The following PHACTR3 variants were observed in gnomAD, a reference collection of about 807,000 sequenced individuals.
PHACTR3 encodes the protein protein phosphatase 1, regulatory subunit 123.
A neutral mutation model predicts 66.8 loss-of-function variants in PHACTR3; 16 were observed. That is an observed-to-expected ratio of 0.24 (90% confidence interval 0.16 to 0.36). PHACTR3 has a LOEUF of 0.36. Ranked by LOEUF, PHACTR3 falls within the 10% of genes least tolerant of loss-of-function variation. The probability of loss-of-function intolerance (pLI) is 1.00; values close to 1 mark genes in which losing one functional copy is unlikely to be tolerated. For missense variants in PHACTR3, 647 were observed against 719.9 expected, an observed-to-expected ratio of 0.90 and a Z score of 1.16; for synonymous variants, 323 against 292.1, an observed-to-expected ratio of 1.11 and a Z score of -1.08.
At chr20:59,677,721 A>G in intron 1 of PHACTR3, among the ~76,000 whole-genome samples, 1 of 152,202 alleles carries the variant, frequency 6.6e-6, no homozygotes. Flanking sequence ...TGGGAAATTA[A>G]CAGTCCTTTT....
At chr20:59,583,498 T>C (rs1031990979) in intron 1 of PHACTR3, among the ~76,000 whole-genome samples, 1 of 152,216 alleles carries the variant, frequency 6.6e-6, no homozygotes, top group African/African-American at 2.4e-5. Flanking sequence ...GAAATTTGGA[T>C]GCTCCTTCTC....
intron 1 of PHACTR3, among the ~76,000 whole-genome samples, chr20:59,644,245 G>A (rs1568955622): frequency 6.6e-6 from 1 of 152,210 alleles, no homozygotes. Context: ...TGGTGATGGA[G>A]AAGGCAGCTG....
At chr20:59,652,140 C>G (rs148861236) in intron 1 of PHACTR3, among the ~76,000 whole-genome samples, 1,688 of 152,294 alleles carry the variant, frequency 0.011, 42 homozygotes, top group African/African-American at 0.037. Flanking sequence ...AAAAGGCTGA[C>G]TTCCTCCTTT....
In PHACTR3 at chr20:59,745,221, A is replaced by C. The variant is rs117020802; in HGVS notation, c.280+1953A>C. On this transcript the variant is annotated intron_variant, in intron 2 of 12. Coordinates refer to ENST00000371015, the MANE Select transcript of PHACTR3 (RefSeq NM_080672.5). ...CCTCGAAAAGGCAGCGAGCTGGGGA[A>C]GGCACGTCTGTGCAGCAGTGAAAGG... is the stretch of plus-strand genomic sequence containing the variant. Among the ~76,000 whole-genome samples, 318 of 152,326 alleles carry C rather than the reference A, an allele frequency of 2.1e-3. 14 individuals carry two copies. The East Asian group carries it at 0.054, about 26-fold the overall frequency.
intron 1 of PHACTR3, among the ~76,000 whole-genome samples, chr20:59,666,889 G>A (rs966334368): frequency 6.6e-6 from 1 of 152,168 alleles, no homozygotes; most frequent in Non-Finnish European, 1.5e-5. Context: ...GTCCTTACAC[G>A]GTGTAATCTT....
chr20:59,670,171 A>G (rs531691620), intron 1 of PHACTR3, among the ~76,000 whole-genome samples: 3 of 152,338 alleles, frequency 2.0e-5, no homozygotes, highest in Admixed American at 2.0e-4. Flanking sequence ...AACAACAAAT[A>G]GCTATTAATA....
chr20:59,644,649 A>G (rs1168124523), intron 1 of PHACTR3, among the ~76,000 whole-genome samples: 1 of 152,118 alleles, frequency 6.6e-6, no homozygotes, highest in Non-Finnish European at 1.5e-5. Flanking sequence ...CTGTGGCCAG[A>G]GCACTTCCAG....
intron 2 of PHACTR3, among the ~76,000 whole-genome samples, chr20:59,744,293 G>T (rs868814112): frequency 6.6e-6 from 1 of 152,238 alleles, no homozygotes; most frequent in South Asian, 2.1e-4. Flanking sequence ...GCCGGGTGTG[G>T]TGGCTCGTCA....
Position 59,841,442 on chromosome 20 carries a change from G to C in PHACTR3, c.1494G>C (p.Leu498=), listed in dbSNP as rs745718692. 1.2e-6 allele frequency: 2 copies of C among 1,613,606 alleles called. No homozygotes were observed. The highest frequency in any genetic ancestry group is 1.7e-6 in the Non-Finnish European group (2 of 1,179,696). Residue 498 remains leucine (L), a synonymous_variant, in exon 11 of 13, where the codon CTG becomes CTC. Transcript: ENST00000371015. ...TVDELRDRKI[L]IRFSDYVEVA... ...ATGAATTAAGAGACAGAAAAATTCT[G>C]ATACGATTCAGTGATTACGTGGAAG...
intron 12 of PHACTR3, among the ~76,000 whole-genome samples, chr20:59,846,108 TCTC>T (rs763177760): frequency 6.6e-6 from 1 of 152,160 alleles, no homozygotes; most frequent in Non-Finnish European, 1.5e-5. Context: ...TGCTTTGTCT[TCTC>T]CTTTATCTGA....
At chr20:59,763,250 T>G (rs185739280) in intron 4 of PHACTR3, among the ~76,000 whole-genome samples, 1 of 152,348 alleles carries the variant, frequency 6.6e-6, no homozygotes. Context: ...TGCTTACTTC[T>G]CCTTTGCCTT....
chr20:59,737,536 G>A (rs962162644), intron 1 of PHACTR3, among the ~76,000 whole-genome samples: 8 of 150,524 alleles, frequency 5.3e-5, no homozygotes, highest in Admixed American at 2.7e-4. Flanking sequence ...ATGTGTGTGC[G>A]TGCATGTGCA....
At chr20:59,813,279 C>A (rs1568847428) in intron 8 of PHACTR3, among the ~76,000 whole-genome samples, 1 of 152,216 alleles carries the variant, frequency 6.6e-6, no homozygotes, top group Admixed American at 6.5e-5. Context: ...TGAGCTGCCG[C>A]AAGCGCTGAC....
At chr20:59,832,411 T>C (rs886339366) in intron 8 of PHACTR3, among the ~76,000 whole-genome samples, 6 of 152,214 alleles carry the variant, frequency 3.9e-5, no homozygotes, top group African/African-American at 1.4e-4. Flanking sequence ...GGGGTGTTTT[T>C]GCTCTGTGGC....
At chr20:59,687,124 A>G (rs2036926633) in intron 1 of PHACTR3, among the ~76,000 whole-genome samples, 1 of 125,152 alleles carries the variant, frequency 8.0e-6, no homozygotes, top group Admixed American at 7.8e-5. Flanking sequence ...GACGGTGATA[A>G]TGATCATGGT....
intron 4 of PHACTR3, 53 bp downstream of exon 4, chr20:59,755,417 C>T: frequency 6.4e-7 from 1 of 1,570,974 alleles, no homozygotes; most frequent in Non-Finnish European, 8.6e-7. Context: ...GGCCATACGT[C>T]CCCACTGTTG....
intron 1 of PHACTR3, among the ~76,000 whole-genome samples, chr20:59,675,699 T>G (rs2036428549): frequency 6.6e-6 from 1 of 152,144 alleles, no homozygotes; most frequent in South Asian, 2.1e-4. Context: ...GCTTCTGGCC[T>G]CTGGCATGTA....
intron 1 of PHACTR3, chr20:59,628,321 G>C (rs1422676168): frequency 6.6e-6 from 1 of 152,294 alleles, no homozygotes; most frequent in Non-Finnish European, 1.5e-5. Flanking sequence ...ACGCCCCCCA[G>C]CTGCAGCCCT....
intron 8 of PHACTR3, among the ~76,000 whole-genome samples, chr20:59,824,234 C>G (rs1242493761): frequency 6.6e-6 from 1 of 151,346 alleles, no homozygotes; most frequent in Non-Finnish European, 1.5e-5. Flanking sequence ...GGGACCCCAC[C>G]CCCCATACCA....
Sources: allele counts gnomAD v4.1 joint callset (sites outside exome capture counted in the v4.1 genomes callset), GRCh38; gene constraint gnomAD v4.1.1; transcripts MANE v1.5; gene names NCBI Gene and HGNC (gene_info 2026-07-23, HGNC 2026-07-21).